The following TMEM161B variants were observed in gnomAD, a reference collection of about 807,000 sequenced individuals.
TMEM161B encodes the protein transmembrane protein 161B.
Under a neutral mutation model 61.8 loss-of-function variants are expected in TMEM161B, and 34 were observed. The observed-to-expected ratio is 0.55, with a 90% CI of 0.42 to 0.73. TMEM161B has a LOEUF of 0.73. Among genes scored for constraint, TMEM161B ranks in the 30% least tolerant of loss-of-function variants. TMEM161B has a pLI of 0.00. For synonymous variants in TMEM161B, 167 were observed against 192.8 expected, an observed-to-expected ratio of 0.87 and a Z score of 1.11; for missense variants, 456 against 558.5, an observed-to-expected ratio of 0.82 and a Z score of 1.85.
At chr5:88,218,325 A>G (rs1748289579) in intron 5 of TMEM161B, among the ~76,000 whole-genome samples, 1 of 152,154 alleles carries the variant, frequency 6.6e-6, no homozygotes, top group Non-Finnish European at 1.5e-5. Flanking sequence ...AATAATTCAA[A>G]ACAATTTTCT....
chr5:88,187,207 T>C (rs552940442), downstream of TMEM161B, among the ~76,000 whole-genome samples: 49 of 152,364 alleles, frequency 3.2e-4, no homozygotes, highest in African/African-American at 1.1e-3. Context: ...CTCTCTTTCA[T>C]TGATCCATTT....
chr5:88,249,865 G>A (rs1257598651), intron 1 of TMEM161B, among the ~76,000 whole-genome samples: 2 of 152,078 alleles, frequency 1.3e-5, no homozygotes, highest in African/African-American at 2.4e-5. Context: ...GTATCCCCAC[G>A]TGGTCACAAA....
chr5:88,254,278 C>A (rs454822), intron 1 of TMEM161B, among the ~76,000 whole-genome samples: 2 of 152,184 alleles, frequency 1.3e-5, no homozygotes, highest in African/African-American at 4.8e-5. Flanking sequence ...ACTAGGTCAA[C>A]GTTCTAGATG....
At chr5:88,239,686 G>T (rs1269587633) in intron 2 of TMEM161B, among the ~76,000 whole-genome samples, 1 of 151,788 alleles carries the variant, frequency 6.6e-6, no homozygotes, top group African/African-American at 2.4e-5. Flanking sequence ...TTTTAAAGCA[G>T]TCTGAATAAT....
intron 1 of TMEM161B, among the ~76,000 whole-genome samples, chr5:88,250,087 G>A (rs1476816444): frequency 6.6e-6 from 1 of 152,042 alleles, no homozygotes; most frequent in Non-Finnish European, 1.5e-5. Flanking sequence ...CCTAAGACTA[G>A]ACTCATAAAT....
downstream of TMEM161B, among the ~76,000 whole-genome samples, chr5:88,189,207 A>T (rs527367567): frequency 6.6e-6 from 1 of 152,128 alleles, no homozygotes; most frequent in East Asian, 1.9e-4. Flanking sequence ...AAACAAAAAG[A>T]CTATTTTAAC....
chr5:88,208,205 C>A (rs185629327), intron 5 of TMEM161B, among the ~76,000 whole-genome samples: 14 of 152,250 alleles, frequency 9.2e-5, no homozygotes, highest in Admixed American at 7.2e-4. Flanking sequence ...CAAAAATTGC[C>A]GGGCGTGGTG....
chr5:88,241,029 A>C, intron 1 of TMEM161B, 113 bp from the exon 2 acceptor site: 1 of 621,906 alleles, frequency 1.6e-6, no homozygotes, highest in Non-Finnish European at 2.6e-6. Flanking sequence ...TGAGTTTACT[A>C]TTAAAATACA....
intron 5 of TMEM161B, among the ~76,000 whole-genome samples, chr5:88,207,985 C>T (rs193037318): frequency 2.0e-5 from 3 of 152,290 alleles, no homozygotes; most frequent in African/African-American, 7.2e-5. Context: ...TTTTAATTCT[C>T]ACACTAACCA....
At chr5:88,265,110 A>T (rs1756208210) in intron 1 of TMEM161B, among the ~76,000 whole-genome samples, 1 of 152,244 alleles carries the variant, frequency 6.6e-6, no homozygotes, top group African/African-American at 2.4e-5. Flanking sequence ...ATTTGAAAAA[A>T]AATTTAAAAA....
chr5:88,260,066 C>T (rs1468217398), intron 1 of TMEM161B, among the ~76,000 whole-genome samples: 1 of 152,120 alleles, frequency 6.6e-6, no homozygotes, highest in African/African-American at 2.4e-5. Flanking sequence ...AATTTAACTA[C>T]TTCATAAAGA....
At chr5:88,201,362 G>T (rs936640462) in intron 9 of TMEM161B, 1 of 151,888 alleles carries the variant, frequency 6.6e-6, no homozygotes, top group Non-Finnish European at 1.5e-5. Context: ...AGTGAATGTT[G>T]GTATAACTAC....
chr5:88,191,979 AGTGTATATAT>A (rs1748943908), downstream of TMEM161B, among the ~76,000 whole-genome samples: 1 of 42,230 alleles, frequency 2.4e-5, no homozygotes, highest in Non-Finnish European at 4.5e-5. Flanking sequence ...AAAAAAAAAA[AGTGTATATAT>A]ATATATATAT....
chr5:88,260,042 G>C (rs1365641437), intron 1 of TMEM161B, among the ~76,000 whole-genome samples: 1 of 152,122 alleles, frequency 6.6e-6, no homozygotes, highest in East Asian at 1.9e-4. Context: ...TAAGATAAAG[G>C]TTTAAAAAAA....
chr5:88,230,037 A>G (rs558610979), intron 2 of TMEM161B, among the ~76,000 whole-genome samples: 1 of 152,094 alleles, frequency 6.6e-6, no homozygotes, highest in East Asian at 1.9e-4. Flanking sequence ...ACAAAAAATT[A>G]AAAAACTAGC....
chr5:88,211,416 GA>G (rs35803255), intron 5 of TMEM161B, among the ~76,000 whole-genome samples: 1 of 147,652 alleles, frequency 6.8e-6, no homozygotes, highest in African/African-American at 2.5e-5. Flanking sequence ...GGAAAAATAA[GA>G]AAAAAAAAAG....
chr5:88,211,275 T>G (rs995582217), intron 5 of TMEM161B, among the ~76,000 whole-genome samples: 5 of 151,996 alleles, frequency 3.3e-5, no homozygotes, highest in Non-Finnish European at 7.4e-5. Context: ...ACATACATAT[T>G]TTTATTTAGA....
chr5:88,246,499 AT>A (rs1301866506), intron 1 of TMEM161B, among the ~76,000 whole-genome samples: 3 of 151,940 alleles, frequency 2.0e-5, no homozygotes, highest in Admixed American at 6.6e-5. Flanking sequence ...CTTAAAATCA[AT>A]TTTTAAGATA....
intron 3 of TMEM161B, 102 bp downstream of exon 3, chr5:88,228,343 C>T: frequency 1.1e-6 from 1 of 877,766 alleles, no homozygotes; most frequent in South Asian, 1.7e-5. Flanking sequence ...TTATCAACTA[C>T]TTACAACATA....
Sources: gnomAD v4.1 joint callset for allele counts (sites outside exome capture counted in the v4.1 genomes callset) on GRCh38, gnomAD v4.1.1 for gene constraint, MANE v1.5 for transcripts, NCBI Gene and HGNC (gene_info 2026-07-23, HGNC 2026-07-21) for gene names.